PTPRM: variants seen among roughly 807,000 people sequenced by gnomAD.
PTPRM encodes the protein receptor-type tyrosine-protein phosphatase mu.
Under a neutral mutation model 186.7 loss-of-function variants are expected in PTPRM, and 47 were observed. The observed-to-expected ratio is 0.25, with a 90% confidence interval of 0.20 to 0.32. The LOEUF (loss-of-function observed/expected upper bound fraction) is 0.32, where lower values mean the gene tolerates loss of function less well. PTPRM is among the 10% of genes least tolerant of loss of function. The probability of loss-of-function intolerance (pLI) is 1.00; values close to 1 mark genes in which losing one functional copy is unlikely to be tolerated. For synonymous variants in PTPRM, 668 were observed against 674.9 expected, an observed-to-expected ratio of 0.99 and a Z score of 0.16; for missense variants, 1,494 against 1,865.0, an observed-to-expected ratio of 0.80 and a Z score of 3.66.
At chr18:8,096,273 G>A (rs990823639) in intron 11 of PTPRM, among the ~76,000 whole-genome samples, 4 of 152,198 alleles carry the variant, frequency 2.6e-5, no homozygotes, top group African/African-American at 9.6e-5. Context: ...ATACTGCTTT[G>A]CTATCCCCAA....
At chr18:7,734,678 A>C (rs2040730308) in intron 1 of PTPRM, among the ~76,000 whole-genome samples, 1 of 152,018 alleles carries the variant, frequency 6.6e-6, no homozygotes, top group East Asian at 1.9e-4. Flanking sequence ...GAATTTTACT[A>C]CTCCTTGAAA....
At chr18:7,781,852 A>G (rs2042871730) in intron 2 of PTPRM, among the ~76,000 whole-genome samples, 1 of 152,142 alleles carries the variant, frequency 6.6e-6, no homozygotes, top group Non-Finnish European at 1.5e-5. Flanking sequence ...AACCCAAGAA[A>G]TGAAAATTGA....
intron 1 of PTPRM, among the ~76,000 whole-genome samples, chr18:7,675,984 G>T (rs531482959): frequency 6.6e-6 from 1 of 152,128 alleles, no homozygotes; most frequent in Non-Finnish European, 1.5e-5. Flanking sequence ...TGATCTGCCC[G>T]CCTCAGTCTC....
chr18:8,098,312 A>G (rs2091111318), intron 11 of PTPRM, among the ~76,000 whole-genome samples: 1 of 152,210 alleles, frequency 6.6e-6, no homozygotes, highest in South Asian at 2.1e-4. Flanking sequence ...TTTGATCACA[A>G]AATGATTTTA....
rs187211642 is a variant in PTPRM at position 7,803,996 on chromosome 18, G to T, written c.196+29725G>T. ...TGTTCAAGATATTGATCAATATTTG[G>T]ATGAAGACTCTTTCATCTGGTGAAT... On this transcript the variant is annotated intron_variant, in intron 2 of 32. Transcript: ENST00000580170. Among the ~76,000 whole-genome samples, 394 of 152,250 alleles carry T rather than the reference G, an allele frequency of 2.6e-3. 10 individuals are homozygous for T. The highest frequency in any genetic ancestry group is 0.023 in the Admixed American group (345 of 15,294).
intron 1 of PTPRM, among the ~76,000 whole-genome samples, chr18:7,769,761 A>T (rs181552584): frequency 6.6e-6 from 1 of 152,308 alleles, no homozygotes; most frequent in Admixed American, 6.5e-5. Flanking sequence ...GGTATTTGCC[A>T]TCCATTGACG....
At chr18:8,128,225 A>T (rs1433447715) in intron 13 of PTPRM, among the ~76,000 whole-genome samples, 1 of 152,196 alleles carries the variant, frequency 6.6e-6, no homozygotes, top group Non-Finnish European at 1.5e-5. Context: ...TAAAACTACC[A>T]TTTTCCAACT....
chr18:7,867,597 G>A (rs887828714), intron 2 of PTPRM, among the ~76,000 whole-genome samples: 5 of 152,168 alleles, frequency 3.3e-5, no homozygotes, highest in African/African-American at 1.2e-4. Flanking sequence ...CCCTTTGTGG[G>A]TAACCCGACC....
chr18:8,277,958 T>A (rs1173445046), intron 19 of PTPRM, among the ~76,000 whole-genome samples: 2 of 152,296 alleles, frequency 1.3e-5, no homozygotes, highest in Admixed American at 6.5e-5. Context: ...AAGAAAAAAA[T>A]TAACTATGGA....
intron 14 of PTPRM, among the ~76,000 whole-genome samples, chr18:8,195,674 T>C (rs1161439289): frequency 6.6e-6 from 1 of 152,158 alleles, no homozygotes; most frequent in African/African-American, 2.4e-5. Flanking sequence ...CACTTACAAG[T>C]GGGAGCTAAA....
intron 1 of PTPRM, among the ~76,000 whole-genome samples, chr18:7,697,084 C>T (rs1047355675): frequency 2.6e-5 from 4 of 152,176 alleles, no homozygotes; most frequent in Non-Finnish European, 5.9e-5. Flanking sequence ...AGATTGTTAG[C>T]ATATACCAAA....
chr18:7,772,450 CTTCCTTCCTT>C (rs66718518), intron 1 of PTPRM, among the ~76,000 whole-genome samples: 3 of 27,002 alleles, frequency 1.1e-4, no homozygotes, highest in African/African-American at 2.2e-4. Context: ...CTTCCCCTTC[CTTCCTTCCTT>C]CCTTCCTTCC....
intron 1 of PTPRM, among the ~76,000 whole-genome samples, chr18:7,600,414 C>T (rs2143735491): frequency 6.6e-6 from 1 of 152,314 alleles, no homozygotes; most frequent in South Asian, 2.1e-4. Flanking sequence ...CCTTTCAAAT[C>T]CAGCACATAA....
rs192795217 is a variant in PTPRM at position 8,365,431 on chromosome 18, A to G, written c.3055-5459A>G. ...CACAGATGTCAGAATGCAGCCATCC[A>G]GTGTGTCCAGTTCAAAGTAGAAACT... On this transcript the variant is annotated intron_variant, in intron 23 of 32. Coordinates refer to ENST00000580170, the MANE Select transcript of PTPRM (RefSeq NM_001105244.2). Among the ~76,000 whole-genome samples the G allele has an allele frequency of 1.3e-3, 205 of 152,352 alleles. 2 individuals are homozygous for G. The highest frequency in any genetic ancestry group is 4.2e-3 in the Admixed American group (65 of 15,310).
intron 14 of PTPRM, among the ~76,000 whole-genome samples, chr18:8,149,689 T>G (rs62091281): frequency 6.7e-5 from 1 of 14,904 alleles, no homozygotes; most frequent in Non-Finnish European, 3.6e-4. Context: ...ATCCTGTCAT[T>G]ATGATGATAG....
chr18:8,127,232 T>C (rs1213076623), intron 13 of PTPRM, among the ~76,000 whole-genome samples: 4 of 152,046 alleles, frequency 2.6e-5, no homozygotes, highest in Non-Finnish European at 4.4e-5. Flanking sequence ...GTACTGGTCA[T>C]GGGGAATGGA....
intron 9 of PTPRM, among the ~76,000 whole-genome samples, chr18:8,078,749 G>A (rs975854100): frequency 2.0e-5 from 3 of 152,122 alleles, no homozygotes; most frequent in African/African-American, 4.8e-5. Flanking sequence ...TCCAGGCGAG[G>A]GTCTCAGGAA....
At chr18:8,237,399 G>C (rs28883099) in intron 14 of PTPRM, among the ~76,000 whole-genome samples, 37,083 of 144,622 alleles carry the variant, frequency 0.26, 5,470 homozygotes, top group African/African-American at 0.41. Flanking sequence ...ATATTTTGTA[G>C]AAGGCAGATC....
rs1392150460 is a variant in PTPRM, at chr18:7,842,969, G to T, written c.197-45137G>T. Among the ~76,000 whole-genome samples, 6 of 149,054 alleles carry T rather than the reference G, an allele frequency of 4.0e-5. 1 individual carries two copies. The Admixed American group carries it at 4.0e-4, about 10-fold the overall frequency. On this transcript the variant is annotated intron_variant, in intron 2 of 32. Coordinates refer to ENST00000580170, the MANE Select transcript of PTPRM (RefSeq NM_001105244.2). The stretch of plus-strand genomic sequence containing the variant: ...ATATAGAGAGAGAGAGAGAGAGAGA[G>T]AGAGAGAGAGATTATATGAGCCAGG...
Sources: gnomAD v4.1 joint callset for allele counts (sites outside exome capture counted in the v4.1 genomes callset) on GRCh38, gnomAD v4.1.1 for gene constraint, MANE v1.5 for transcripts, NCBI Gene and HGNC (gene_info 2026-07-23, HGNC 2026-07-21) for gene names.